Variants in MUC5B observed in about 807,000 individuals in gnomAD.
The protein encoded by MUC5B is mucin-5B.
Under a neutral mutation model 376.9 loss-of-function variants are expected in MUC5B, and 116 were observed. The ratio of observed to expected loss-of-function variants is 0.31; its 90% CI spans 0.26 to 0.36. The LOEUF (loss-of-function observed/expected upper bound fraction) is 0.36. Ranked by LOEUF, MUC5B falls within the 10% of genes least tolerant of loss-of-function variation. The pLI is 1.00. For synonymous variants in MUC5B, 3,517 were observed against 3,390.9 expected (o/e 1.04, Z -1.29); for missense variants, 7,165 against 7,769.9 (o/e 0.92, Z 2.93).
intron 31 of MUC5B, 99 bp downstream of exon 31, chr11:1,251,842 C>A: frequency 1.1e-6 from 1 of 888,008 alleles, no homozygotes; most frequent in East Asian, 2.6e-5. Context: ...CCCTGCTGGT[C>A]ATGTTTGTTC....
In MUC5B at chr11:1,245,927, C is replaced by A. The variant is rs376950791; in HGVS notation, c.9047C>A (p.Pro3016Gln). ...TGSTAIPSST[P>Q]GTAPPPKVLT... The stretch of plus-strand genomic sequence containing the variant: ...TCCACGGCCATCCCGTCCTCCACCC[C>A]GGGAACAGCTCCCCCTCCCAAAGTG... The change falls in exon 31 of 49, where the codon CCG (proline) becomes CAG (glutamine). Residue 3016 changes from proline (P) to glutamine (Q), a missense_variant. By Grantham distance (76) the Pro-to-Gln change is moderately conservative. Around this residue, in one of 31 missense-constraint regions of MUC5B, gnomAD observed 939 missense variants for 770.6 expected, o/e 1.22. Coordinates refer to ENST00000529681, the MANE Select transcript of MUC5B (RefSeq NM_002458.3). 3 of 1,612,330 alleles carry A rather than the reference C, an allele frequency of 1.9e-6. No homozygotes were observed. Among genetic ancestry groups the A allele is most frequent in the African/African-American group, 1.3e-5 (1 of 74,440 alleles).
rs372968458 is a variant in MUC5B at position 1,247,461 on chromosome 11, G to A, written c.10581G>A (p.Thr3527=). ...CCGAGTCACCCCCTTCTCCAGGGAC[G>A]ACCACCCCGGGCCACACCAGGGGCA... ...RTTESPPSPG[T]TTPGHTRGTS... Residue 3527 remains threonine, a synonymous_variant, in exon 31 of 49, where the codon ACG becomes ACA. Coordinates refer to ENST00000529681, the MANE Select transcript of MUC5B (RefSeq NM_002458.3). 4.2e-5 allele frequency: 67 copies of A among 1,608,844 alleles called. 2 individuals carry two copies. In the South Asian group the frequency reaches 4.6e-4, roughly 11 times the overall value.
At position 1,244,511 on chromosome 11, in the gene MUC5B, C is replaced by T. The variant is rs1862393005; in HGVS notation, c.7631C>T (p.Ser2544Phe). The T allele has an allele frequency of 1.9e-6, 3 of 1,543,582 alleles. No individual in the cohort carries two copies. Among genetic ancestry groups the T allele is most frequent in the Middle Eastern group, 1.7e-4 (1 of 5,926 alleles). Residue 2544 changes from serine to phenylalanine, a missense_variant, in exon 31 of 49, where the codon TCC becomes TTC. Physicochemically the swap from Ser to Phe is radical, Grantham distance 155 (BLOSUM62 -2). Around this residue, in one of 31 missense-constraint regions of MUC5B, gnomAD observed 194 missense variants for 268.5 expected, o/e 0.72. Transcript: ENST00000529681. Reference sequence around the variant, plus strand: ...AGCTTTACAGCCATCCCCTCCTCCTCCCTGGGCACCACCTGGACCCGCCTA... The same window carrying T: ...AGCTTTACAGCCATCCCCTCCTCCTTCCTGGGCACCACCTGGACCCGCCTA... ...ATSFTAIPSS[S>F]LGTTWTRLSQ...
chr11:1,237,236 C>A (rs905437194), intron 25 of MUC5B, 72 bp downstream of exon 25: 272 of 1,312,892 alleles, frequency 2.1e-4, no homozygotes, highest in Non-Finnish European at 2.6e-4. Flanking sequence ...AGAACTGGGT[C>A]TTCTGGGCAG....
At chr11:1,230,454 G>A (rs879881348) in intron 11 of MUC5B, 36 bp from the exon 12 acceptor site, 1 of 1,538,168 alleles carries the variant, frequency 6.5e-7, no homozygotes, top group Non-Finnish European at 8.8e-7. Flanking sequence ...ACATCATCGA[G>A]CCAGGCCCAA....
chr11:1,242,402 A>G lies in MUC5B; in HGVS notation c.5522A>G (p.Asp1841Gly). ...RAENYPEVSI[D>G]QVGQVLTCSL... ...GAGAACTACCCCGAGGTAAGCATCGACCAGGTCGGGCAGGTGCTGACCTGC... is the reference window on the plus strand; with the variant it reads ...GAGAACTACCCCGAGGTAAGCATCGGCCAGGTCGGGCAGGTGCTGACCTGC... Residue 1841 changes from aspartate (D) to glycine (G), a missense_variant, in exon 31 of 49, where the codon GAC becomes GGC. Transcript: ENST00000529681. The G allele has an allele frequency of 6.2e-7, 1 of 1,613,884 alleles. No individual in the cohort carries two copies.
At position 1,247,343 on chromosome 11, in the gene MUC5B, C is replaced by T; in HGVS notation, c.10463C>T (p.Ser3488Phe). 1 of 1,611,302 alleles carries T rather than the reference C, an allele frequency of 6.2e-7. No homozygotes were observed. The highest frequency in any genetic ancestry group is 1.7e-5 in the Admixed American group (1 of 59,972). The change falls in exon 31 of 49, where the codon TCC becomes TTC. Residue 3488 changes from serine (S) to phenylalanine (F), a missense_variant. Transcript: ENST00000529681. ...GGCACCACCCACATCACAGAGCCTT[C>T]CACGGTGACTTCCCACACCCCAGCA... ...ILGTTHITEP[S>F]TVTSHTPAAT...
intron 38 of MUC5B, 64 bp downstream of exon 38, chr11:1,256,289 C>T: frequency 1.4e-6 from 1 of 707,878 alleles, no homozygotes; most frequent in Non-Finnish European, 2.6e-6. Context: ...TCTGGGGGAG[C>T]AGGAGGAGGC....
Position 1,261,989 on chromosome 11 carries a change from C to T in MUC5B, c.*381C>T. ...ACGTCCGGCCGCTGGGGCAGACAGGCTGGTCCAGGCAAGGCCAGCTGCTGC... is the reference window on the plus strand; with the variant it reads ...ACGTCCGGCCGCTGGGGCAGACAGGTTGGTCCAGGCAAGGCCAGCTGCTGC... On this transcript the variant is annotated 3_prime_UTR_variant, in exon 49 of 49. Coordinates refer to ENST00000529681, the MANE Select transcript of MUC5B (RefSeq NM_002458.3). 1 of 494,518 alleles carries T rather than the reference C, an allele frequency of 2.0e-6. No homozygotes were observed. The highest frequency in any genetic ancestry group is 4.0e-6 in the Non-Finnish European group (1 of 250,944). 30.6% of individuals were successfully genotyped at this position (494,518 alleles called of 1,614,324 possible).
In MUC5B at chr11:1,230,006, A is replaced by G; in HGVS notation, c.1222A>G (p.Thr408Ala). Reference protein sequence around the residue: ...TSFNTTCSSCTCSGGLWQCQD... With the variant: ...TSFNTTCSSCACSGGLWQCQD... ...TCTGCTCACGGCCTCCCTCCCCAGC[A>G]CCTGCTCCGGGGGGCTATGGCAGTG... Residue 408 changes from threonine (T) to alanine (A), a missense_variant and splice_region_variant, in exon 11 of 49, where the codon ACC (threonine) becomes GCC (alanine). Transcript: ENST00000529681. 1 of 1,591,906 alleles carries G rather than the reference A, an allele frequency of 6.3e-7. No homozygotes were observed. Among genetic ancestry groups the G allele is most frequent in the Non-Finnish European group, 8.6e-7 (1 of 1,169,404 alleles).
chr11:1,234,726 C>A lies in MUC5B; in HGVS notation c.2630+46C>A. 2 of 37,056 alleles carry A rather than the reference C, an allele frequency of 5.4e-5. No homozygotes were observed. Among genetic ancestry groups the A allele is most frequent in the Non-Finnish European group, 9.5e-5 (2 of 21,034 alleles). The allele number at this position is 37,056 out of a possible 1,614,324, so 2.3% of individuals were successfully genotyped here. A position where few individuals can be genotyped will look rare whatever the true frequency, so the allele number is the denominator to read the frequency against. The stretch of plus-strand genomic sequence containing the variant: ...AGGCAGCAGGTGGGGAGGGCGGGGG[C>A]GGGGAGGGCAGCGGGTGGGGAGGCA... On this transcript the variant is annotated intron_variant, in intron 21 of 48. Transcript: ENST00000529681. This position sits in a 1 kb window ranked among gnomAD's most constrained non-coding sequence, Gnocchi z 6.3.
At chr11:1,224,611 C>T (rs997343712) in intron 1 of MUC5B, among the ~76,000 whole-genome samples, 32 of 147,640 alleles carry the variant, frequency 2.2e-4, no homozygotes, top group African/African-American at 4.8e-4. Context: ...CTGCCTGCGG[C>T]GGGAGCCGGG....
Position 1,246,741 on chromosome 11 carries a change from C to T in MUC5B, c.9861C>T (p.Thr3287=), listed in dbSNP as rs78526728. 0.023 allele frequency: 36,014 copies of T among 1,562,336 alleles called. 2,265 individuals carry two copies. The highest frequency in any genetic ancestry group is 0.056 in the Middle Eastern group (322 of 5,788). The change falls in exon 31 of 49, where the codon ACC becomes ACT. Residue 3287 remains threonine (T), a synonymous_variant. Coordinates refer to ENST00000529681, the MANE Select transcript of MUC5B (RefSeq NM_002458.3). ...STVLTTTTTT[T]RATGSVATPS... Reference sequence around the variant, plus strand: ...TGCTTACCACCACGACCACCACAACCAGGGCCACCGGCTCTGTGGCCACCC... The same window carrying T: ...TGCTTACCACCACGACCACCACAACTAGGGCCACCGGCTCTGTGGCCACCC...
rs761126173 is a variant in MUC5B, at chr11:1,226,696, G to T, written c.281G>T (p.Arg94Leu). Reference sequence around the variant, plus strand: ...AAGACCTTCGACGGCGACGTCTTCCGCTTCCCTGGCCTTTGCAACTACGTG... The same window carrying T: ...AAGACCTTCGACGGCGACGTCTTCCTCTTCCCTGGCCTTTGCAACTACGTG... ...HYKTFDGDVF[R>L]FPGLCNYVFS... Residue 94 changes from arginine (R) to leucine (L), a missense_variant, in exon 4 of 49, where the codon CGC becomes CTC. Transcript: ENST00000529681. 1 of 1,612,660 alleles carries T rather than the reference G, an allele frequency of 6.2e-7. No homozygotes were observed. The highest frequency in any genetic ancestry group is 8.5e-7 in the Non-Finnish European group (1 of 1,179,770).
rs775832209 is a variant in MUC5B, at chr11:1,255,220, C to T, written c.15844C>T (p.Pro5282Ser). 5 of 1,539,918 alleles carry T rather than the reference C, an allele frequency of 3.2e-6. No individual in the cohort carries two copies. The South Asian group carries it at 4.8e-5, about 15-fold the overall frequency. The change falls in exon 36 of 49, where the codon CCC (proline) becomes TCC (serine). Residue 5282 changes from proline to serine, a missense_variant. Coordinates refer to ENST00000529681, the MANE Select transcript of MUC5B (RefSeq NM_002458.3). ...PAAPVSSTPT[P>S]TPCPPQPLCD... The stretch of plus-strand genomic sequence containing the variant: ...AGCCCCGGTGTCTAGCACACCCACC[C>T]CCACCCCATGCCCACCACAGCCGCT...
Position 1,244,678 on chromosome 11 carries a change from C to A in MUC5B, c.7798C>A (p.Pro2600Thr), listed in dbSNP as rs200206683. Residue 2600 changes from proline to threonine, a missense_variant, in exon 31 of 49, where the codon CCA (proline) becomes ACA (threonine). This residue lies in a region of MUC5B where 141 missense variants were observed against 111.2 expected (regional missense o/e 1.27). Transcript: ENST00000529681. The part of the protein sequence containing the change: ...TGSVATPSST[P>T]GTAHTTKVLT... Reference sequence around the variant, plus strand: ...CTCTGTGGCCACCCCCTCCTCCACCCCAGGAACAGCTCACACTACCAAAGT... The same window carrying A: ...CTCTGTGGCCACCCCCTCCTCCACCACAGGAACAGCTCACACTACCAAAGT... 925 of 1,612,022 alleles carry A rather than the reference C, an allele frequency of 5.7e-4. No homozygotes were observed. Among genetic ancestry groups the A allele is most frequent in the Non-Finnish European group, 7.5e-4 (879 of 1,178,312 alleles).
At chr11:1,256,329 C>T (rs976925616) in intron 38 of MUC5B, 104 bp downstream of exon 38, 6 of 662,634 alleles carry the variant, frequency 9.1e-6, no homozygotes, top group Admixed American at 7.1e-5. Flanking sequence ...GGCCACAGAT[C>T]TCTGGGGTGC....
chr11:1,257,434 C>A lies in MUC5B; in HGVS notation c.16270-96C>A. The A allele has an allele frequency of 6.8e-7, 1 of 1,461,484 alleles. No homozygotes were observed. The highest frequency in any genetic ancestry group is 1.2e-5 in the South Asian group (1 of 81,670). The allele number at this position is 1,461,484 out of a possible 1,614,324, so 90.5% of individuals were successfully genotyped here. ...TCCTGCCCCATCACTCTGGGCCACTCGGGTACCAGCCCGAGGGAGGGGGTG... is the reference window on the plus strand; with the variant it reads ...TCCTGCCCCATCACTCTGGGCCACTAGGGTACCAGCCCGAGGGAGGGGGTG... On this transcript the variant is annotated intron_variant, in intron 40 of 48. Coordinates refer to ENST00000529681, the MANE Select transcript of MUC5B (RefSeq NM_002458.3). This position sits in a 1 kb window ranked among gnomAD's most constrained non-coding sequence, Gnocchi z 8.9.
Position 1,226,882 on chromosome 11 carries a change from C to G in MUC5B, c.461+6C>G, listed in dbSNP as rs1326541601. ...GTCCTCATCAATGGGCAGCGGTGAGCCGGCCACCCTGGGGAGGGGCGAGGG... is the reference window on the plus strand; with the variant it reads ...GTCCTCATCAATGGGCAGCGGTGAGGCGGCCACCCTGGGGAGGGGCGAGGG... On this transcript the variant is annotated splice_donor_region_variant and intron_variant, in intron 4 of 48. Coordinates refer to ENST00000529681, the MANE Select transcript of MUC5B (RefSeq NM_002458.3). The G allele has an allele frequency of 6.2e-7, 1 of 1,603,158 alleles. No homozygotes were observed. The highest frequency in any genetic ancestry group is 8.5e-7 in the Non-Finnish European group (1 of 1,177,980).
Sources: allele counts gnomAD v4.1 joint callset (sites outside exome capture counted in the v4.1 genomes callset), GRCh38; gene constraint gnomAD v4.1.1; regional missense constraint gnomAD v4.1.1; non-coding constraint Gnocchi (gnomAD v3.1); transcripts MANE v1.5; gene names NCBI Gene and HGNC (gene_info 2026-07-23, HGNC 2026-07-21).